Variants in PARD3 observed in about 807,000 individuals in gnomAD.
PARD3 encodes the protein partitioning defective 3 homolog.
PARD3 carries 75 observed loss-of-function variants against 155.4 expected under a neutral mutation model. The observed-to-expected ratio is 0.48, with a 90% CI of 0.40 to 0.58. PARD3 has a LOEUF of 0.58. PARD3 is among the 20% of genes least tolerant of loss of function. PARD3 has a pLI of 0.00. For missense variants in PARD3, 1,642 were observed against 1,721.7 expected (o/e 0.95, Z 0.82); for synonymous variants, 576 against 610.5 (o/e 0.94, Z 0.83).
intron 22 of PARD3, among the ~76,000 whole-genome samples, chr10:34,254,586 A>C (rs375450739): frequency 8.2e-4 from 123 of 149,468 alleles, no homozygotes; most frequent in African/African-American, 2.9e-3. Context: ...GTGTATAAAA[A>C]TTTAGCTCTT....
rs150450418 is a variant in PARD3 at position 34,348,027 on chromosome 10, T to C, written c.2156A>G (p.Tyr719Cys). ...DRERRISHSL[Y>C]SGIEGLDESP... ...TTCATCAAGCCCCTCAATCCCACTG[T>C]AGAGGGAATGGGAAATTCTTCGTTC... The change falls in exon 15 of 25, where the codon TAC becomes TGC. Residue 719 changes from tyrosine (Y) to cysteine (C), a missense_variant. Physicochemically the swap from Tyr to Cys is radical, Grantham distance 194. Transcript: ENST00000374788. 1.9e-6 allele frequency: 3 copies of C among 1,613,028 alleles called. No homozygotes were observed. The highest frequency in any genetic ancestry group is 1.3e-5 in the African/African-American group (1 of 74,914).
rs563308518 is a variant in PARD3, at chr10:34,480,111, T to C, written c.404-9848A>G. 1.5e-3 allele frequency among the ~76,000 whole-genome samples: 228 copies of C among 152,334 alleles called. 1 individual carries two copies. In the Middle Eastern group the frequency reaches 0.02, roughly 14 times the overall value. ...GACGGCATAGAGCCTGGACAGTCAG[T>C]GTGAGGGGCTGGCCTCTTGGCATAT... On this transcript the variant is annotated intron_variant, in intron 3 of 24. Transcript: ENST00000374788.
At chr10:34,354,429 GTGC>G (rs897436695) in intron 14 of PARD3, among the ~76,000 whole-genome samples, 2 of 151,760 alleles carry the variant, frequency 1.3e-5, no homozygotes, top group African/African-American at 4.8e-5. Context: ...CATTCAGCCT[GTGC>G]TGATGTGTCA....
At chr10:34,478,931 A>C (rs1454043903) in intron 3 of PARD3, among the ~76,000 whole-genome samples, 1 of 152,194 alleles carries the variant, frequency 6.6e-6, no homozygotes, top group African/African-American at 2.4e-5. Flanking sequence ...TCTGAAACTG[A>C]CAATATAACC....
At chr10:34,425,526 G>A (rs1379178450) in intron 5 of PARD3, among the ~76,000 whole-genome samples, 3 of 152,098 alleles carry the variant, frequency 2.0e-5, no homozygotes, top group African/African-American at 7.2e-5. Context: ...CTTCCTAGCA[G>A]CTGGGACTAC....
intron 2 of PARD3, among the ~76,000 whole-genome samples, 195 bp from the exon 3 acceptor site, chr10:34,517,354 G>C (rs2081844054): frequency 6.6e-6 from 1 of 152,138 alleles, no homozygotes; most frequent in Non-Finnish European, 1.5e-5. Flanking sequence ...ATAATTCTAA[G>C]TCGTACATTT....
chr10:34,300,090 A>G (rs1482542795), intron 20 of PARD3, among the ~76,000 whole-genome samples: 1 of 152,242 alleles, frequency 6.6e-6, no homozygotes. Context: ...TAAAAAGTTC[A>G]CATTAATAGT....
intron 22 of PARD3, among the ~76,000 whole-genome samples, chr10:34,143,831 G>T (rs2645229): frequency 6.6e-6 from 1 of 151,930 alleles, no homozygotes; most frequent in South Asian, 2.1e-4. Context: ...AACCATTAAT[G>T]AAGAGTTTGT....
At chr10:34,568,033 C>T (rs2086098665) in intron 2 of PARD3, among the ~76,000 whole-genome samples, 1 of 152,234 alleles carries the variant, frequency 6.6e-6, no homozygotes, top group Non-Finnish European at 1.5e-5. Context: ...CTTCCATTCA[C>T]TAGGCAGCTT....
At chr10:34,154,430 G>A (rs1052613050) in intron 22 of PARD3, among the ~76,000 whole-genome samples, 1 of 152,142 alleles carries the variant, frequency 6.6e-6, no homozygotes, top group African/African-American at 2.4e-5. Context: ...CCTGGCAACA[G>A]ACTCACTTAA....
chr10:34,290,640 ATTTCTACATATT>A (rs1956633086), intron 20 of PARD3, among the ~76,000 whole-genome samples: 1 of 152,156 alleles, frequency 6.6e-6, no homozygotes, highest in Admixed American at 6.5e-5. Flanking sequence ...TCTGACCCTC[ATTTCTACATATT>A]TGCACTATCA....
At chr10:34,781,914 C>T (rs1285485505) in intron 1 of PARD3, among the ~76,000 whole-genome samples, 1 of 152,162 alleles carries the variant, frequency 6.6e-6, no homozygotes, top group Non-Finnish European at 1.5e-5. Flanking sequence ...TGTTCTTGAA[C>T]GTTTTAGACA....
chr10:34,774,920 T>C (rs1040753529), intron 1 of PARD3, among the ~76,000 whole-genome samples: 5 of 152,236 alleles, frequency 3.3e-5, no homozygotes, highest in Non-Finnish European at 7.3e-5. Flanking sequence ...CCTGGAAGTT[T>C]ACCTAGTTAC....
intron 1 of PARD3, among the ~76,000 whole-genome samples, chr10:34,748,142 C>A (rs998475265): frequency 6.6e-6 from 1 of 152,176 alleles, no homozygotes; most frequent in Admixed American, 6.5e-5. Flanking sequence ...CACATCTCAG[C>A]CACCGGAACC....
intron 1 of PARD3, among the ~76,000 whole-genome samples, chr10:34,702,473 G>A (rs908059477): frequency 1.3e-5 from 2 of 152,170 alleles, no homozygotes; most frequent in Non-Finnish European, 2.9e-5. Context: ...CTTCCAGAGA[G>A]CACAGTGACT....
chr10:34,728,159 A>AT (rs11462023), intron 1 of PARD3, among the ~76,000 whole-genome samples: 86,160 of 151,918 alleles, frequency 0.57, 25,881 homozygotes, highest in Non-Finnish European at 0.67. Context: ...TTTATTCTCT[A>AT]TTTTCTATCT....
chr10:34,748,667 C>G (rs1389242508), intron 1 of PARD3, among the ~76,000 whole-genome samples: 1 of 152,028 alleles, frequency 6.6e-6, no homozygotes, highest in Non-Finnish European at 1.5e-5. Context: ...CCCACTCTCT[C>G]TACCAGCAAA....
chr10:34,173,817 A>G (rs1949911758), intron 22 of PARD3, among the ~76,000 whole-genome samples: 1 of 152,162 alleles, frequency 6.6e-6, no homozygotes, highest in African/African-American at 2.4e-5. Context: ...TTTCCACATC[A>G]GAGCTCCTGG....
chr10:34,433,647 T>G (rs1050725793), intron 5 of PARD3, among the ~76,000 whole-genome samples: 1 of 152,206 alleles, frequency 6.6e-6, no homozygotes, highest in Non-Finnish European at 1.5e-5. Context: ...CCCCTCAAAC[T>G]TTCTCCAATT....
Sources: allele counts gnomAD v4.1 joint callset (sites outside exome capture counted in the v4.1 genomes callset), GRCh38; gene constraint gnomAD v4.1.1; transcripts MANE v1.5; gene names NCBI Gene and HGNC (gene_info 2026-07-23, HGNC 2026-07-21).